ZC3H4: variants seen among roughly 807,000 people sequenced by gnomAD.
ZC3H4 encodes zinc finger CCCH-type containing 4.
Under a neutral mutation model 108.3 loss-of-function variants are expected in ZC3H4, and 13 were observed. The observed-to-expected ratio is 0.12, with a 90% CI of 0.08 to 0.19. ZC3H4 has a LOEUF of 0.19. Ranked by LOEUF, ZC3H4 falls within the 10% of genes least tolerant of loss-of-function variation. The probability of loss-of-function intolerance (pLI) is 1.00; values close to 1 mark genes in which losing one functional copy is unlikely to be tolerated. For synonymous variants in ZC3H4, 917 were observed against 749.6 expected (o/e 1.22, Z -3.65); for missense variants, 1,734 against 1,838.8 (o/e 0.94, Z 1.04).
rs779535953 is a variant in ZC3H4, at chr19:47,066,181, A to G, written c.*175T>C. Reference sequence around the variant, plus strand: ...TTAAGATGGTTATATACAATTTACAAATCTCAAAGAAAGTACTACTTTAAA... The same window carrying G: ...TTAAGATGGTTATATACAATTTACAGATCTCAAAGAAAGTACTACTTTAAA... On this transcript the variant is annotated 3_prime_UTR_variant, in exon 15 of 15. Transcript: ENST00000253048. 23 of 549,482 alleles carry G rather than the reference A, an allele frequency of 4.2e-5. No homozygotes were observed. The highest frequency in any genetic ancestry group is 6.4e-5 in the Non-Finnish European group (21 of 329,812). 34.0% of individuals were successfully genotyped at this position (549,482 alleles called of 1,614,324 possible).
intron 2 of ZC3H4, 168 bp downstream of exon 2, chr19:47,112,256 A>G (rs2058049657): frequency 5.2e-6 from 6 of 1,147,084 alleles, no homozygotes; most frequent in Non-Finnish European, 6.6e-6. Context: ...GCAAGCGAGA[A>G]AGAGCGAGCG....
chr19:47,068,521 G>C (rs2057262572), intron 14 of ZC3H4, among the ~76,000 whole-genome samples: 1 of 152,238 alleles, frequency 6.6e-6, no homozygotes, highest in Admixed American at 6.5e-5. Flanking sequence ...GGCCAGTACA[G>C]CCTGGGCCAT....
At chr19:47,083,640 C>T (rs553317925) in intron 9 of ZC3H4, among the ~76,000 whole-genome samples, 77 of 152,036 alleles carry the variant, frequency 5.1e-4, no homozygotes, top group African/African-American at 1.7e-3. Context: ...TCCCAGGAGG[C>T]GGAGGTTGCA....
chr19:47,067,091 C>T lies in ZC3H4; in HGVS notation c.3177G>A (p.Ser1059=), dbSNP rs373868306. ...GTTTGTCGCTGGAACCGGGGGCGGC[C>T]GAGGAGCCGGTGGCATTGACTGTCT... ...ILKTVNATGS[S]AAPGSSDKPS... The change falls in exon 15 of 15, where the codon TCG becomes TCA. Residue 1059 remains serine (S), a synonymous_variant. Transcript: ENST00000253048. This position sits in a 1 kb window ranked among gnomAD's most constrained non-coding sequence, Gnocchi z 6.4. 758 of 1,610,370 alleles carry T rather than the reference C, an allele frequency of 4.7e-4. No individual in the cohort carries two copies. Among genetic ancestry groups the T allele is most frequent in the Non-Finnish European group, 6.0e-4 (712 of 1,178,482 alleles).
intron 11 of ZC3H4, among the ~76,000 whole-genome samples, chr19:47,079,767 G>GT (rs746488456): frequency 6.6e-6 from 1 of 152,198 alleles, no homozygotes; most frequent in African/African-American, 2.4e-5. Context: ...TGCGCCTGTA[G>GT]TCCCAGCTAC....
In ZC3H4 at chr19:47,094,280, C is replaced by G. The variant is rs899904164; in HGVS notation, c.381+109G>C. 19 of 1,275,848 alleles carry G rather than the reference C, an allele frequency of 1.5e-5. No individual in the cohort carries two copies. In the African/African-American group the frequency reaches 2.2e-4, roughly 15 times the overall value. 79.0% of individuals were successfully genotyped at this position (1,275,848 alleles called of 1,614,324 possible). On this transcript the variant is annotated intron_variant, in intron 3 of 14. Transcript: ENST00000253048. ...AGGTCTTTATCCAATTTGAGATAAGCAAAGGCATTAAGAGTGCCCTCTGGG... is the reference window on the plus strand; with the variant it reads ...AGGTCTTTATCCAATTTGAGATAAGGAAAGGCATTAAGAGTGCCCTCTGGG...
chr19:47,102,858 T>C (rs910384164), intron 2 of ZC3H4, among the ~76,000 whole-genome samples: 3 of 151,690 alleles, frequency 2.0e-5, no homozygotes, highest in African/African-American at 7.3e-5. Flanking sequence ...TCCCCTAATA[T>C]GAAACGAATG....
At chr19:47,084,923 G>C in intron 8 of ZC3H4, 133 bp downstream of exon 8, 1 of 1,218,364 alleles carries the variant, frequency 8.2e-7, no homozygotes. Context: ...GGTTATGCTG[G>C]TCAACACTGG....
chr19:47,082,278 A>G lies in ZC3H4; in HGVS notation c.1236T>C (p.Phe412=), dbSNP rs774370032. The change falls in exon 10 of 15, where the codon TTT becomes TTC. Residue 412 remains phenylalanine (F), a synonymous_variant. Transcript: ENST00000253048. ...GRCTWGDHCN[F]SHDIELPKKR... The stretch of plus-strand genomic sequence containing the variant: ...TCTTTGGGAGTTCGATGTCATGGCT[A>G]AAATTACAGTGGTCTCCCTAGAAGA... The G allele has an allele frequency of 1.9e-6, 3 of 1,613,542 alleles. No homozygotes were observed. The highest frequency in any genetic ancestry group is 1.7e-5 in the Admixed American group (1 of 60,018).
Position 47,070,357 on chromosome 19 carries a change from G to C in ZC3H4, c.2147-1014C>G, listed in dbSNP as rs557106735. 3.3e-5 allele frequency among the ~76,000 whole-genome samples: 5 copies of C among 152,272 alleles called. No homozygotes were observed. The East Asian group carries it at 9.6e-4, about 29-fold the overall frequency. ...CTGCTCTATGACACATCCCAGCGCA[G>C]AGCTGGGACCCACTCCATGAACCAG... On this transcript the variant is annotated intron_variant, in intron 13 of 14. Transcript: ENST00000253048.
intron 4 of ZC3H4, among the ~76,000 whole-genome samples, chr19:47,092,126 C>T (rs867523676): frequency 6.6e-6 from 1 of 151,332 alleles, no homozygotes; most frequent in African/African-American, 2.4e-5. Flanking sequence ...ATCACCTGAG[C>T]CCAGGGAGCT....
intron 2 of ZC3H4, among the ~76,000 whole-genome samples, chr19:47,107,556 C>A (rs1275752399): frequency 1.3e-5 from 2 of 150,938 alleles, no homozygotes; most frequent in Non-Finnish European, 2.9e-5. Context: ...CACACAGATG[C>A]GAAATGGCAA....
chr19:47,113,070 T>A (rs958410935), intron 1 of ZC3H4, among the ~76,000 whole-genome samples: 1 of 151,902 alleles, frequency 6.6e-6, no homozygotes, highest in African/African-American at 2.4e-5. Context: ...CCGCCCTGGG[T>A]GCCCCGGCTG....
chr19:47,109,966 TGGA>T (rs1317191514), intron 2 of ZC3H4, among the ~76,000 whole-genome samples: 4 of 152,182 alleles, frequency 2.6e-5, no homozygotes, highest in East Asian at 1.9e-4. Flanking sequence ...GACTGGGGGC[TGGA>T]GGAGGTGTTC....
At chr19:47,100,502 C>T (rs557486291) in intron 2 of ZC3H4, among the ~76,000 whole-genome samples, 2 of 151,904 alleles carry the variant, frequency 1.3e-5, no homozygotes, top group Admixed American at 1.3e-4. Context: ...CAGGCATCAG[C>T]ATCTGTACCC....
chr19:47,112,846 C>T (rs936963090), intron 1 of ZC3H4, among the ~76,000 whole-genome samples: 7 of 152,096 alleles, frequency 4.6e-5, no homozygotes, highest in Admixed American at 6.5e-5. Flanking sequence ...AGAGCCCCCC[C>T]CCCACGCACC....
Position 47,085,313 on chromosome 19 carries a change from C to A in ZC3H4, c.967+5G>T. On this transcript the variant is annotated splice_donor_5th_base_variant and intron_variant, in intron 7 of 14. Coordinates refer to ENST00000253048, the MANE Select transcript of ZC3H4 (RefSeq NM_015168.2). ...CCAGCGTGTCCTCTCCAGGCCCCTG[C>A]CCACCTCGGCCTCGGCTGTCCTTGG... The A allele has an allele frequency of 6.3e-7, 1 of 1,590,898 alleles. No homozygotes were observed. The highest frequency in any genetic ancestry group is 1.4e-5 in the African/African-American group (1 of 73,560).
Position 47,064,444 on chromosome 19 carries a change from GGCAAAT to G in ZC3H4, c.*1906_*1911del, listed in dbSNP as rs1160870033. 6.6e-6 allele frequency: 1 copy of G among 152,446 alleles called. No homozygotes were observed. The highest frequency in any genetic ancestry group is 1.5e-5 in the Non-Finnish European group (1 of 68,030). 9.4% of individuals were successfully genotyped at this position (152,446 alleles called of 1,614,324 possible). ...TTTTTCTTTAAAAGCTCGGCCTGATGGCAAATGAGAATTTCGGGTGAATTCATAGTC... is the reference window on the plus strand; with the variant it reads ...TTTTTCTTTAAAAGCTCGGCCTGATGGAGAATTTCGGGTGAATTCATAGTC... On this transcript the variant is annotated 3_prime_UTR_variant, in exon 15 of 15. Transcript: ENST00000253048.
In ZC3H4 at chr19:47,069,396, A is replaced by C; in HGVS notation, c.2147-53T>G. 4.4e-6 allele frequency: 7 copies of C among 1,575,428 alleles called. No individual in the cohort carries two copies. In the South Asian group the frequency reaches 8.0e-5, roughly 18 times the overall value. On this transcript the variant is annotated intron_variant, in intron 13 of 14. Transcript: ENST00000253048. ...TGTCGGGAAGGGCCTCCAGGTGCCA[A>C]CTCCAGCCCCCCTGCCCCTCACTGC...
Sources: gnomAD v4.1 joint callset for allele counts (sites outside exome capture counted in the v4.1 genomes callset) on GRCh38, gnomAD v4.1.1 for gene constraint, Gnocchi (gnomAD v3.1) non-coding constraint, MANE v1.5 for transcripts, NCBI Gene and HGNC (gene_info 2026-07-23, HGNC 2026-07-21) for gene names.